B4GALT4: variants seen among roughly 807,000 people sequenced by gnomAD.
The protein encoded by B4GALT4 is N-acetyllactosamine synthase.
A neutral mutation model predicts 37.3 loss-of-function variants in B4GALT4; 27 were observed. The ratio of observed to expected loss-of-function variants is 0.72; its 90% confidence interval spans 0.53 to 1.00. The LOEUF is 1.00. Ranked by LOEUF, B4GALT4 falls within the 50% of genes least tolerant of loss-of-function variation. The probability of loss-of-function intolerance (pLI) is 0.00; values close to 1 mark genes in which losing one functional copy is unlikely to be tolerated. For synonymous variants in B4GALT4, 148 were observed against 154.1 expected, an observed-to-expected ratio of 0.96 and a Z score of 0.29; for missense variants, 372 against 413.1, an observed-to-expected ratio of 0.90 and a Z score of 0.86.
intron 3 of B4GALT4, among the ~76,000 whole-genome samples, chr3:119,228,281 T>A (rs2078689679): frequency 6.6e-6 from 1 of 152,176 alleles, no homozygotes; most frequent in Admixed American, 6.5e-5. Context: ...CATAACTTTT[T>A]ACGTGCCCTA....
intron 2 of B4GALT4, chr3:119,236,242 T>C (rs1368869349): frequency 6.6e-6 from 1 of 151,958 alleles, no homozygotes; most frequent in Non-Finnish European, 1.5e-5. Flanking sequence ...CTATTTCAGA[T>C]TGGAGGAGAC....
chr3:119,228,165 C>G (rs1266095167), intron 3 of B4GALT4, among the ~76,000 whole-genome samples: 1 of 152,212 alleles, frequency 6.6e-6, no homozygotes, highest in Non-Finnish European at 1.5e-5. Context: ...GTGGCCTGTT[C>G]ACAATCCCCA....
chr3:119,231,611 A>G (rs1023179194), intron 2 of B4GALT4, among the ~76,000 whole-genome samples: 1 of 151,774 alleles, frequency 6.6e-6, no homozygotes, highest in African/African-American at 2.4e-5. Flanking sequence ...TATACAATTA[A>G]GGAAAGTCTA....
chr3:119,225,777 G>A (rs143019673), intron 4 of B4GALT4, among the ~76,000 whole-genome samples: 11 of 152,228 alleles, frequency 7.2e-5, no homozygotes, highest in Non-Finnish European at 1.3e-4. Flanking sequence ...ACTGTCCTGA[G>A]CAAGAACTCA....
At chr3:119,216,558 C>G (rs9857127) in intron 6 of B4GALT4, among the ~76,000 whole-genome samples, 1 of 151,048 alleles carries the variant, frequency 6.6e-6, no homozygotes. Flanking sequence ...GAACTTCAGG[C>G]GATAAGCCCA....
At chr3:119,239,134 T>C (rs927430324) in intron 1 of B4GALT4, among the ~76,000 whole-genome samples, 1 of 152,212 alleles carries the variant, frequency 6.6e-6, no homozygotes, top group Non-Finnish European at 1.5e-5. Context: ...CAGACCAGCC[T>C]GGACAACATG....
chr3:119,236,084 T>C (rs6438509), intron 2 of B4GALT4: 106,669 of 152,042 alleles, frequency 0.7, 38,166 homozygotes, highest in African/African-American at 0.85. Context: ...CAAAGTATCT[T>C]CCCCAAGATA....
chr3:119,211,896 T>A lies in B4GALT4; in HGVS notation c.*653A>T, dbSNP rs573465962. The A allele has an allele frequency of 2.2e-6, 1 of 464,664 alleles. No homozygotes were observed. Among genetic ancestry groups the A allele is most frequent in the African/African-American group, 1.9e-5 (1 of 51,978 alleles). The allele number at this position is 464,664 out of a possible 1,614,324, so 28.8% of individuals were successfully genotyped here. A position where few individuals can be genotyped will look rare whatever the true frequency, so the allele number is the denominator to read the frequency against. ...TAGAGAATGTATTCTCTGGTGGGCA[T>A]CACTGGAAGGCATACCTGGGCAGGT... On this transcript the variant is annotated 3_prime_UTR_variant, in exon 8 of 8. Transcript: ENST00000393765.
Position 119,211,816 on chromosome 3 carries a change from C to T in B4GALT4, c.*733G>A, listed in dbSNP as rs1454019951. On this transcript the variant is annotated 3_prime_UTR_variant, in exon 8 of 8. Coordinates refer to ENST00000393765, the MANE Select transcript of B4GALT4 (RefSeq NM_003778.4). ...AGTTAATATGTAAACTTGTAAACTG[C>T]TAATTCATATCCTACTTGTACAAAA... 3.8e-6 allele frequency: 1 copy of T among 262,112 alleles called. No individual in the cohort carries two copies. The highest frequency in any genetic ancestry group is 7.2e-6 in the Non-Finnish European group (1 of 138,168). 16.2% of individuals were successfully genotyped at this position (262,112 alleles called of 1,614,324 possible). A position where few individuals can be genotyped will look rare whatever the true frequency, so the allele number is the denominator to read the frequency against.
intron 1 of B4GALT4, among the ~76,000 whole-genome samples, chr3:119,239,593 T>C (rs2079087339): frequency 6.6e-6 from 1 of 152,208 alleles, no homozygotes; most frequent in Non-Finnish European, 1.5e-5. Context: ...AAGTGGCATA[T>C]AAACTACAAC....
intron 2 of B4GALT4, among the ~76,000 whole-genome samples, chr3:119,233,757 T>C (rs149517666): frequency 2.6e-5 from 4 of 152,326 alleles, no homozygotes; most frequent in African/African-American, 9.6e-5. Context: ...ACTTAAGTAT[T>C]AGGCCTTCAT....
intron 5 of B4GALT4, among the ~76,000 whole-genome samples, chr3:119,220,973 G>A (rs1292489984): frequency 6.0e-5 from 9 of 148,810 alleles, no homozygotes; most frequent in Non-Finnish European, 1.3e-4. Context: ...GCAACAGAGT[G>A]AGACTCTGTC....
At chr3:119,216,479 CAA>C in intron 6 of B4GALT4, 135 bp from the exon 7 acceptor site, 1 of 485,914 alleles carries the variant, frequency 2.1e-6, no homozygotes, top group Non-Finnish European at 3.5e-6. Context: ...CACAGTGTCA[CAA>C]ACAGCTTGAT....
chr3:119,238,846 T>G (rs2107556657), intron 1 of B4GALT4, among the ~76,000 whole-genome samples: 1 of 152,286 alleles, frequency 6.6e-6, no homozygotes, highest in South Asian at 2.1e-4. Context: ...TACATAAGTT[T>G]GACAATTCAT....
At chr3:119,224,345 T>C in intron 4 of B4GALT4, 100 bp from the exon 5 acceptor site, 1 of 800,974 alleles carries the variant, frequency 1.2e-6, no homozygotes, top group Non-Finnish European at 1.8e-6. Flanking sequence ...TTCTAATTAT[T>C]CTACGCACGA....
At chr3:119,214,779 AAT>A (rs2078247166) in intron 7 of B4GALT4, 2 of 152,248 alleles carry the variant, frequency 1.3e-5, no homozygotes, top group African/African-American at 4.8e-5. Flanking sequence ...ATAGAATTAG[AAT>A]ATTACAATTT....
chr3:119,229,663 C>T (rs149670536), intron 3 of B4GALT4, among the ~76,000 whole-genome samples, 184 bp downstream of exon 3: 1 of 152,262 alleles, frequency 6.6e-6, no homozygotes, highest in Non-Finnish European at 1.5e-5. Context: ...CCAAGTGGTA[C>T]ACTTCTGAGT....
intron 2 of B4GALT4, among the ~76,000 whole-genome samples, chr3:119,231,120 G>A (rs184503784): frequency 6.6e-6 from 1 of 152,232 alleles, no homozygotes; most frequent in African/African-American, 2.4e-5. Flanking sequence ...TTTTTGTACT[G>A]TATTTCTCAC....
intron 4 of B4GALT4, among the ~76,000 whole-genome samples, chr3:119,225,214 GT>G (rs2078571420): frequency 6.6e-6 from 1 of 152,154 alleles, no homozygotes; most frequent in Non-Finnish European, 1.5e-5. Flanking sequence ...AGTTTGACCT[GT>G]AATATGATTG....
Sources: allele counts gnomAD v4.1 joint callset (sites outside exome capture counted in the v4.1 genomes callset), GRCh38; gene constraint gnomAD v4.1.1; transcripts MANE v1.5; gene names NCBI Gene and HGNC (gene_info 2026-07-23, HGNC 2026-07-21).